The following BRD4 variants were observed in gnomAD, a reference collection of about 807,000 sequenced individuals.
BRD4 encodes the protein bromodomain-containing protein 4.
Under a neutral mutation model 142.1 loss-of-function variants are expected in BRD4, and 16 were observed. The ratio of observed to expected loss-of-function variants is 0.11; its 90% CI spans 0.08 to 0.17. The LOEUF (loss-of-function observed/expected upper bound fraction) is 0.17. BRD4 is among the 10% of genes least tolerant of loss of function. The probability of loss-of-function intolerance (pLI) is 1.00; values close to 1 mark genes in which losing one functional copy is unlikely to be tolerated. For missense variants in BRD4, 1,424 were observed against 1,810.9 expected (o/e 0.79, Z 3.88); for synonymous variants, 833 against 707.5 (o/e 1.18, Z -2.82).
At chr19:15,257,328 A>G (rs2047422650) in intron 7 of BRD4, 155 bp from the exon 8 acceptor site, 2 of 696,188 alleles carry the variant, frequency 2.9e-6, no homozygotes, top group Admixed American at 3.0e-5. Flanking sequence ...AGACAGGGGC[A>G]AGGGCCAGCC....
In BRD4 at chr19:15,264,568, C is replaced by G. The variant is rs773222721; in HGVS notation, c.1048G>C (p.Val350Leu). Reference sequence around the variant, plus strand: ...CTGCAGCACTTGAGCTGCTCCGAGACCTTGCTGCTCTTCTCTGGTGCTGGG... The same window carrying G: ...CTGCAGCACTTGAGCTGCTCCGAGAGCTTGCTGCTCTTCTCTGGTGCTGGG... ...QHPAPEKSSKVSEQLKCCSGI... is the reference protein window; with the variant it reads ...QHPAPEKSSKLSEQLKCCSGI... The change falls in exon 6 of 20, where the codon GTC becomes CTC. Residue 350 changes from valine to leucine, a missense_variant. This residue lies in a region of BRD4 where 86 missense variants were observed against 79.9 expected (regional missense o/e 1.08). Coordinates refer to ENST00000679869, the MANE Select transcript of BRD4 (RefSeq NM_001379291.1). The G allele has an allele frequency of 1.2e-6, 2 of 1,614,090 alleles. No individual in the cohort carries two copies. Among genetic ancestry groups the G allele is most frequent in the African/African-American group, 2.7e-5 (2 of 74,944 alleles).
At chr19:15,263,619 C>G (rs528796303) in intron 6 of BRD4, 71 bp from the exon 7 acceptor site, 2 of 1,588,232 alleles carry the variant, frequency 1.3e-6, no homozygotes, top group Non-Finnish European at 1.7e-6. Context: ...TGGCAGCAGA[C>G]GAAAGGGATG....
chr19:15,297,498 G>A (rs1203182814), intron 1 of BRD4, among the ~76,000 whole-genome samples: 1 of 152,150 alleles, frequency 6.6e-6, no homozygotes, highest in Non-Finnish European at 1.5e-5. Context: ...GGGTACTGCG[G>A]TTGCTTTTCA....
chr19:15,274,651 A>G (rs1189168686), intron 1 of BRD4, among the ~76,000 whole-genome samples: 3 of 152,242 alleles, frequency 2.0e-5, no homozygotes, highest in South Asian at 4.1e-4. Flanking sequence ...TTTTCCATTA[A>G]GTAATGACAT....
intron 1 of BRD4, among the ~76,000 whole-genome samples, chr19:15,331,448 G>C (rs936595420): frequency 3.9e-5 from 6 of 152,168 alleles, no homozygotes; most frequent in Non-Finnish European, 7.3e-5. Context: ...AAATAAAATA[G>C]GCCGTTGCAA....
At chr19:15,244,785 G>C in intron 11 of BRD4, 23 bp from the exon 12 acceptor site, 1 of 1,614,128 alleles carries the variant, frequency 6.2e-7, no homozygotes, top group Non-Finnish European at 8.5e-7. Flanking sequence ...AGAGAAGGTA[G>C]TGAGGCTCTG....
At chr19:15,291,891 T>A (rs2047784455) in intron 1 of BRD4, among the ~76,000 whole-genome samples, 2 of 152,176 alleles carry the variant, frequency 1.3e-5, no homozygotes, top group Non-Finnish European at 1.5e-5. Flanking sequence ...CTTATGTATA[T>A]CTTCCTGAGT....
chr19:15,329,965 G>A (rs1457119046), intron 1 of BRD4, among the ~76,000 whole-genome samples: 1 of 152,216 alleles, frequency 6.6e-6, no homozygotes, highest in Non-Finnish European at 1.5e-5. Context: ...ATGTTACTAA[G>A]TGGCCAATGA....
At chr19:15,259,118 G>A (rs1027954660) in intron 7 of BRD4, among the ~76,000 whole-genome samples, 1 of 152,186 alleles carries the variant, frequency 6.6e-6, no homozygotes, top group Non-Finnish European at 1.5e-5. Flanking sequence ...TGCCCTGGAT[G>A]TGGGTGGGCT....
chr19:15,247,433 C>T (rs1266300959), intron 11 of BRD4: 1 of 232,744 alleles, frequency 4.3e-6, no homozygotes, highest in Non-Finnish European at 8.5e-6. Flanking sequence ...CTTTCAAGTT[C>T]AACAAGCCCT....
At chr19:15,307,599 C>T (rs1302008579) in intron 1 of BRD4, among the ~76,000 whole-genome samples, 1 of 152,180 alleles carries the variant, frequency 6.6e-6, no homozygotes, top group Non-Finnish European at 1.5e-5. Context: ...ATCTCATGCC[C>T]TTTCCAGGAC....
At chr19:15,290,056 C>T (rs897170552) in intron 1 of BRD4, among the ~76,000 whole-genome samples, 1 of 152,082 alleles carries the variant, frequency 6.6e-6, no homozygotes, top group Non-Finnish European at 1.5e-5. Flanking sequence ...CTGCCTTAGG[C>T]TTAAGGGTAG....
chr19:15,320,267 A>G (rs937454751), intron 1 of BRD4, among the ~76,000 whole-genome samples: 19 of 152,182 alleles, frequency 1.2e-4, no homozygotes, highest in Non-Finnish European at 2.6e-4. Flanking sequence ...AGTAGAACTT[A>G]ACACTTGTTT....
intron 1 of BRD4, among the ~76,000 whole-genome samples, chr19:15,331,317 A>C (rs971525883): frequency 6.6e-6 from 1 of 152,214 alleles, no homozygotes; most frequent in African/African-American, 2.4e-5. Flanking sequence ...GGGGCATCTC[A>C]GCCGAGTGAA....
chr19:15,331,228 C>A lies in BRD4; in HGVS notation c.-35+1062G>T, dbSNP rs529327242. On this transcript the variant is annotated intron_variant, in intron 1 of 19. Coordinates refer to ENST00000679869, the MANE Select transcript of BRD4 (RefSeq NM_001379291.1). ...ACCCAGGAGAAGCACATGACTCATGCACCGGCCTGAACTAAAGTATTTACA... is the reference window on the plus strand; with the variant it reads ...ACCCAGGAGAAGCACATGACTCATGAACCGGCCTGAACTAAAGTATTTACA... Among the ~76,000 whole-genome samples the A allele has an allele frequency of 5.3e-5, 8 of 152,322 alleles. No homozygotes were observed. The South Asian group carries it at 1.2e-3, about 24-fold the overall frequency.
chr19:15,243,855 G>A (rs1343829607), intron 13 of BRD4, among the ~76,000 whole-genome samples: 2 of 152,110 alleles, frequency 1.3e-5, no homozygotes, highest in African/African-American at 4.8e-5. Flanking sequence ...AGGTTCCATG[G>A]GAGGAATCCC....
At chr19:15,317,260 G>A (rs532963002) in intron 1 of BRD4, among the ~76,000 whole-genome samples, 1 of 152,312 alleles carries the variant, frequency 6.6e-6, no homozygotes, top group South Asian at 2.1e-4. Flanking sequence ...TAAGGAATGC[G>A]TAGAGGCTTA....
At chr19:15,253,975 T>G in intron 11 of BRD4, 177 bp downstream of exon 11, 2 of 697,478 alleles carry the variant, frequency 2.9e-6, no homozygotes, top group East Asian at 5.4e-5. Context: ...CTGCACAGAG[T>G]GCAGGGCTAT....
Position 15,238,657 on chromosome 19 carries a change from T to G in BRD4, c.4020+86A>C. 1 of 1,454,980 alleles carries G rather than the reference T, an allele frequency of 6.9e-7. No homozygotes were observed. The highest frequency in any genetic ancestry group is 2.8e-5 in the Admixed American group (1 of 36,310). The allele number at this position is 1,454,980 out of a possible 1,614,324, so 90.1% of individuals were successfully genotyped here. ...AGGGACGGGGCTCCCCCGCTGCCCC[T>G]CCCTGTCCAGGCTCCAGTCCCCCTT... is the stretch of plus-strand genomic sequence containing the variant. On this transcript the variant is annotated intron_variant, in intron 19 of 19. Transcript: ENST00000679869. This position sits in a 1 kb window ranked among gnomAD's most constrained non-coding sequence, Gnocchi z 7.2.
Sources: allele counts gnomAD v4.1 joint callset (sites outside exome capture counted in the v4.1 genomes callset), GRCh38; gene constraint gnomAD v4.1.1; regional missense constraint gnomAD v4.1.1; non-coding constraint Gnocchi (gnomAD v3.1); transcripts MANE v1.5; gene names NCBI Gene and HGNC (gene_info 2026-07-23, HGNC 2026-07-21).